SNX25: variants seen among roughly 807,000 people sequenced by gnomAD.
The protein encoded by SNX25 is sorting nexin-25.
SNX25 carries 62 observed loss-of-function variants against 113.7 expected under a neutral mutation model. The ratio of observed to expected loss-of-function variants is 0.55; its 90% CI spans 0.44 to 0.67. SNX25 has a LOEUF of 0.67. SNX25 is among the 30% of genes least tolerant of loss of function. The pLI is 0.00. For missense variants in SNX25, 1,014 were observed against 1,161.0 expected, an observed-to-expected ratio of 0.87 and a Z score of 1.84; for synonymous variants, 421 against 436.2, an observed-to-expected ratio of 0.97 and a Z score of 0.43.
chr4:185,288,527 T>C (rs766220099), intron 6 of SNX25, among the ~76,000 whole-genome samples: 14 of 151,618 alleles, frequency 9.2e-5, no homozygotes, highest in Non-Finnish European at 1.5e-4. Context: ...TAAGGAATTA[T>C]AAAATCTTTT....
intron 2 of SNX25, among the ~76,000 whole-genome samples, chr4:185,252,838 C>T (rs970863078): frequency 6.6e-6 from 1 of 152,192 alleles, no homozygotes; most frequent in Admixed American, 6.5e-5. Context: ...ATATGAAATA[C>T]TAGAGCTACA....
chr4:185,239,496 T>A (rs533797846), intron 1 of SNX25, among the ~76,000 whole-genome samples: 1 of 152,150 alleles, frequency 6.6e-6, no homozygotes, highest in South Asian at 2.1e-4. Context: ...AGAAAAAAAA[T>A]AAAAGCTTTC....
chr4:185,263,200 A>G (rs1175446894), intron 3 of SNX25, among the ~76,000 whole-genome samples: 2 of 152,072 alleles, frequency 1.3e-5, no homozygotes, highest in African/African-American at 4.8e-5. Context: ...AGAGATTTTG[A>G]TATTGTTTAA....
At chr4:185,213,773 A>G (rs142452603) in intron 1 of SNX25, among the ~76,000 whole-genome samples, 2 of 152,372 alleles carry the variant, frequency 1.3e-5, no homozygotes, top group East Asian at 3.8e-4. Flanking sequence ...TACTATCATC[A>G]TAAGATCAGC....
intron 1 of SNX25, among the ~76,000 whole-genome samples, chr4:185,239,789 T>TA (rs752835610): frequency 5.9e-5 from 8 of 135,042 alleles, no homozygotes; most frequent in African/African-American, 2.0e-4. Context: ...TTTTTTTTTT[T>TA]ATTGATCATT....
intron 3 of SNX25, 141 bp downstream of exon 3, chr4:185,259,205 A>T: frequency 1.4e-6 from 1 of 715,222 alleles, no homozygotes; most frequent in Non-Finnish European, 2.3e-6. Flanking sequence ...AAGGGGGAAT[A>T]ATTATGTTCT....
At chr4:185,371,557 A>T (rs1440191500), downstream of SNX25, among the ~76,000 whole-genome samples, 1 of 151,694 alleles carries the variant, frequency 6.6e-6, no homozygotes, top group Admixed American at 6.6e-5. Context: ...AAAAAAAAAA[A>T]AAAAAAGGAT....
At chr4:185,319,679 C>G (rs2095105085) in intron 7 of SNX25, among the ~76,000 whole-genome samples, 1 of 152,152 alleles carries the variant, frequency 6.6e-6, no homozygotes, top group South Asian at 2.1e-4. Context: ...AGACCTGTCT[C>G]AGATACTTTC....
intron 5 of SNX25, among the ~76,000 whole-genome samples, chr4:185,275,001 T>C (rs1398979346): frequency 6.6e-6 from 1 of 152,112 alleles, no homozygotes; most frequent in Non-Finnish European, 1.5e-5. Context: ...TTTCTTCAAG[T>C]GTGGAGATAA....
intron 7 of SNX25, among the ~76,000 whole-genome samples, chr4:185,316,018 T>C (rs989981359): frequency 1.3e-5 from 2 of 152,236 alleles, no homozygotes; most frequent in Non-Finnish European, 2.9e-5. Context: ...CATACACATA[T>C]ATTCAATGAA....
chr4:185,290,837 C>CA (rs1193072835), intron 6 of SNX25, among the ~76,000 whole-genome samples: 1 of 152,130 alleles, frequency 6.6e-6, no homozygotes, highest in Non-Finnish European at 1.5e-5. Flanking sequence ...TAGCCAGGGA[C>CA]ACACTGCCAG....
rs576800012 is a variant in SNX25 at position 185,266,225 on chromosome 4, C to T, written c.905-744C>T. 2.1e-4 allele frequency among the ~76,000 whole-genome samples: 32 copies of T among 152,238 alleles called. No individual in the cohort carries two copies. The East Asian group carries it at 5.2e-3, about 25-fold the overall frequency. ...ATAGTGTCATTGACTTTTTAACTTC[C>T]TCTCTGAGGTCTGTTTTAACCAGTT... On this transcript the variant is annotated intron_variant, in intron 4 of 18. Transcript: ENST00000652585.
chr4:185,238,923 C>G (rs1428717755), intron 1 of SNX25, among the ~76,000 whole-genome samples: 5 of 152,124 alleles, frequency 3.3e-5, no homozygotes, highest in Non-Finnish European at 2.9e-5. Context: ...AAACAGTGGA[C>G]AATGAGGTGT....
chr4:185,362,839 T>A, intron 18 of SNX25, 128 bp downstream of exon 18: 11 of 195,838 alleles, frequency 5.6e-5, no homozygotes, highest in East Asian at 1.0e-4. Flanking sequence ...TCCCTTGACT[T>A]TTTTTTTTTT....
At chr4:185,261,221 A>T (rs955934706) in intron 3 of SNX25, among the ~76,000 whole-genome samples, 7 of 151,714 alleles carry the variant, frequency 4.6e-5, no homozygotes, top group Non-Finnish European at 1.0e-4. Context: ...CTCTTTACCC[A>T]GGCTGGAGTG....
intron 8 of SNX25, 48 bp downstream of exon 8, chr4:185,320,912 CT>C (rs1237280122): frequency 1.8e-5 from 27 of 1,483,056 alleles, no homozygotes; most frequent in Non-Finnish European, 2.2e-5. Flanking sequence ...CTGATGTAAA[CT>C]TGGCATGTGA....
At position 185,323,725 on chromosome 4, in the gene SNX25, T is replaced by G. The variant is rs1298946206; in HGVS notation, c.1674T>G (p.Ser558Arg). ...GGTATTACCCTTCATTTATTGTCAG[T>G]GACCTGTATGAGAAATTGTTGATAA... The part of the protein sequence containing the change: ...KDRYYPSFIV[S>R]DLYEKLLIKE... Residue 558 changes from serine (S) to arginine (R), a missense_variant, in exon 9 of 19, where the codon AGT (serine) becomes AGG (arginine). Coordinates refer to ENST00000652585, the MANE Select transcript of SNX25 (RefSeq NM_001378034.2). 8.7e-6 allele frequency: 14 copies of G among 1,613,666 alleles called. No individual in the cohort carries two copies. The highest frequency in any genetic ancestry group is 1.1e-5 in the Non-Finnish European group (13 of 1,179,846).
intron 1 of SNX25, among the ~76,000 whole-genome samples, chr4:185,236,539 G>A (rs1426826686): frequency 6.6e-6 from 1 of 151,508 alleles, no homozygotes; most frequent in Non-Finnish European, 1.5e-5. Flanking sequence ...TATTTAAATA[G>A]AAAAAAAAGA....
At chr4:185,296,738 G>T (rs1325553638) in intron 6 of SNX25, among the ~76,000 whole-genome samples, 2 of 152,152 alleles carry the variant, frequency 1.3e-5, no homozygotes, top group Admixed American at 1.3e-4. Context: ...AACTTAACAA[G>T]TACGAAACAG....
Sources: gnomAD v4.1 joint callset for allele counts (sites outside exome capture counted in the v4.1 genomes callset) on GRCh38, gnomAD v4.1.1 for gene constraint, MANE v1.5 for transcripts, NCBI Gene and HGNC (gene_info 2026-07-23, HGNC 2026-07-21) for gene names.